The following ZNF765 variants were observed in gnomAD, a reference collection of about 807,000 sequenced individuals.
The protein encoded by ZNF765 is zinc finger protein 765.
A neutral mutation model predicts 44.7 loss-of-function variants in ZNF765; 37 were observed. The ratio of observed to expected loss-of-function variants is 0.83; its 90% confidence interval spans 0.64 to 1.09. ZNF765 has a LOEUF of 1.09. Among genes scored for constraint, ZNF765 ranks in the 50% least tolerant of loss-of-function variants. ZNF765 has a pLI of 0.00. For synonymous variants in ZNF765, 201 were observed against 213.7 expected (o/e 0.94, Z 0.52); for missense variants, 594 against 626.1 (o/e 0.95, Z 0.55).
chr19:53,422,610 T>C (rs1249062523), intron 3 of ZNF765, among the ~76,000 whole-genome samples: 1 of 152,172 alleles, frequency 6.6e-6, no homozygotes, highest in Admixed American at 6.5e-5. Flanking sequence ...GGTGTCACTT[T>C]ATCATCCAGG....
chr19:53,420,647 A>G (rs1168120149), intron 3 of ZNF765, among the ~76,000 whole-genome samples: 1 of 152,088 alleles, frequency 6.6e-6, no homozygotes, highest in Non-Finnish European at 1.5e-5. Flanking sequence ...AAATGCTGTT[A>G]ATCTGTAACC....
At chr19:53,425,682 T>C (rs2085935000) in exon 4 of ZNF765, 1 of 152,146 alleles carries the variant, frequency 6.6e-6, no homozygotes, top group African/African-American at 2.4e-5. Flanking sequence ...GCAAGAAGGG[T>C]CAGTAGACGC....
intron 3 of ZNF765, among the ~76,000 whole-genome samples, chr19:53,419,584 C>G (rs1020569507): frequency 6.6e-6 from 1 of 152,154 alleles, no homozygotes; most frequent in Non-Finnish European, 1.5e-5. Context: ...GTCTAATATC[C>G]GGCTCTGATC....
In ZNF765 at chr19:53,409,113, A is replaced by C; in HGVS notation, c.1558A>C (p.Lys520Gln). ...ACATAGGAGAATTTATACTGGAGAG[A>C]AACTACACGTGTAATGAGTGTGGTA... ...ERHRRIYTGE[K>Q]LHV The change falls in exon 4 of 4, where the codon AAA (lysine) becomes CAA (glutamine). Residue 520 changes from lysine (K) to glutamine (Q), a missense_variant. Transcript: ENST00000396408. 1 of 1,613,328 alleles carries C rather than the reference A, an allele frequency of 6.2e-7. No individual in the cohort carries two copies. The highest frequency in any genetic ancestry group is 8.5e-7 in the Non-Finnish European group (1 of 1,179,416).
exon 4 of ZNF765, chr19:53,423,146 G>A: frequency 1.4e-6 from 1 of 700,146 alleles, no homozygotes; most frequent in Non-Finnish European, 2.6e-6. Flanking sequence ...GCTCAGGTGG[G>A]CAGAGCTTAA....
At chr19:53,415,397 G>T (rs1600064948), downstream of ZNF765, among the ~76,000 whole-genome samples, 1 of 152,012 alleles carries the variant, frequency 6.6e-6, no homozygotes, top group Non-Finnish European at 1.5e-5. Flanking sequence ...ATATCTGAAT[G>T]GTGTGTATAT....
intron 3 of ZNF765, among the ~76,000 whole-genome samples, chr19:53,403,957 A>AT (rs1348655630): frequency 2.0e-5 from 3 of 152,272 alleles, no homozygotes; most frequent in African/African-American, 7.2e-5. Context: ...TCGCATTAAC[A>AT]TATATGTAGT....
intron 1 of ZNF765, among the ~76,000 whole-genome samples, chr19:53,395,899 G>A (rs1348948471): frequency 3.3e-5 from 5 of 151,918 alleles, no homozygotes; most frequent in African/African-American, 9.7e-5. Flanking sequence ...ACGTAGAGCA[G>A]TAGAAAACCT....
chr19:53,418,198 G>A (rs1445994250), intron 3 of ZNF765, among the ~76,000 whole-genome samples: 1 of 152,132 alleles, frequency 6.6e-6, no homozygotes, highest in Non-Finnish European at 1.5e-5. Context: ...TCAGGAGATC[G>A]AGACCATCCT....
chr19:53,397,737 C>T (rs2085684894), intron 1 of ZNF765, among the ~76,000 whole-genome samples: 1 of 151,826 alleles, frequency 6.6e-6, no homozygotes, highest in Admixed American at 6.6e-5. Flanking sequence ...CTCATCCCAC[C>T]CCAGCTCCCC....
intron 2 of ZNF765, among the ~76,000 whole-genome samples, chr19:53,399,003 A>T (rs2085696607): frequency 6.6e-6 from 1 of 152,064 alleles, no homozygotes; most frequent in African/African-American, 2.4e-5. Context: ...TGCCTGCCTC[A>T]GCCTCCTGGA....
intron 2 of ZNF765, among the ~76,000 whole-genome samples, chr19:53,399,679 CAA>C (rs34934002): frequency 5.2e-5 from 7 of 135,576 alleles, no homozygotes; most frequent in Non-Finnish European, 6.4e-5. Context: ...GACTCCATCT[CAA>C]AAAAAAAAAA....
In ZNF765 at chr19:53,409,105, C is replaced by G; in HGVS notation, c.1550C>G (p.Thr517Ser). 6.2e-7 allele frequency: 1 copy of G among 1,613,414 alleles called. No individual in the cohort carries two copies. Among genetic ancestry groups the G allele is most frequent in the Non-Finnish European group, 8.5e-7 (1 of 1,179,612 alleles). ...CTTGAAAGACATAGGAGAATTTATACTGGAGAGAAACTACACGTGTAATGA... is the reference window on the plus strand; with the variant it reads ...CTTGAAAGACATAGGAGAATTTATAGTGGAGAGAAACTACACGTGTAATGA... ...SNLERHRRIYTGEKLHV is the reference protein window; with the variant it reads ...SNLERHRRIYSGEKLHV The change falls in exon 4 of 4, where the codon ACT becomes AGT. Residue 517 changes from threonine (T) to serine (S), a missense_variant. Transcript: ENST00000396408.
rs1452155500 is a variant in ZNF765 at position 53,408,479 on chromosome 19, C to T, written c.924C>T (p.Phe308=). 5 of 1,612,904 alleles carry T rather than the reference C, an allele frequency of 3.1e-6. No individual in the cohort carries two copies. Among genetic ancestry groups the T allele is most frequent in the Non-Finnish European group, 2.5e-6 (3 of 1,179,686 alleles). Reference sequence around the variant, plus strand: ...AATGTGAAGAATGTGACAAAGCTTTCCATTTCAAATCAAAGCTTCAAATAC... The same window carrying T: ...AATGTGAAGAATGTGACAAAGCTTTTCATTTCAAATCAAAGCTTCAAATAC... The part of the protein sequence containing the change: ...PYKCEECDKA[F]HFKSKLQIHR... Residue 308 remains phenylalanine (F), a synonymous_variant, in exon 4 of 4, where the codon TTC becomes TTT. Transcript: ENST00000396408.
chr19:53,410,319 A>C lies in ZNF765; in HGVS notation c.*1192A>C. On this transcript the variant is annotated 3_prime_UTR_variant, in exon 4 of 4. Coordinates refer to ENST00000396408, the MANE Select transcript of ZNF765 (RefSeq NM_001040185.3). Reference sequence around the variant, plus strand: ...CAAGCCTCCAAAGACAGGAGAATTCATACTGGAGAGAAAGCTTACATATGT... The same window carrying C: ...CAAGCCTCCAAAGACAGGAGAATTCCTACTGGAGAGAAAGCTTACATATGT... 2 of 357,000 alleles carry C rather than the reference A, an allele frequency of 5.6e-6. No individual in the cohort carries two copies. The highest frequency in any genetic ancestry group is 1.5e-4 in the East Asian group (2 of 13,044). The allele number at this position is 357,000 out of a possible 1,614,324, so 22.1% of individuals were successfully genotyped here.
At chr19:53,396,246 A>AC (rs765946271) in intron 1 of ZNF765, among the ~76,000 whole-genome samples, 3,029 of 151,212 alleles carry the variant, frequency 0.02, 101 homozygotes, top group African/African-American at 0.065. Context: ...GAGAGTGGGG[A>AC]TGAGGGTATA....
In ZNF765 at chr19:53,408,271, G is replaced by A; in HGVS notation, c.716G>A (p.Gly239Glu). Residue 239 changes from glycine (G) to glutamate (E), a missense_variant, in exon 4 of 4, where the codon GGA becomes GAA. Transcript: ENST00000396408. ...AGGAAACATCAGTTAATCCATTTAG[G>A]AGAGAAACAATATAAATGCGATATA... Reference protein sequence around the residue: ...LLRKHQLIHLGEKQYKCDICG... With the variant: ...LLRKHQLIHLEEKQYKCDICG... 3 of 1,614,180 alleles carry A rather than the reference G, an allele frequency of 1.9e-6. No homozygotes were observed. The highest frequency in any genetic ancestry group is 2.5e-6 in the Non-Finnish European group (3 of 1,180,036).
exon 4 of ZNF765, chr19:53,426,296 C>T (rs2085939241): frequency 6.6e-6 from 1 of 152,220 alleles, no homozygotes; most frequent in African/African-American, 2.4e-5. Context: ...CACAAATGGC[C>T]TCAGACCTAG....
rs556638121 is a variant in ZNF765 at position 53,396,218 on chromosome 19, T to C, written c.-74+1025T>C. ...GGAGAAGCACAGCAGGGAGGACACC[T>C]GGGGATCTGGGGTGCTAGAGAGTGG... is the stretch of plus-strand genomic sequence containing the variant. On this transcript the variant is annotated intron_variant, in intron 1 of 3. Transcript: ENST00000396408. 7.3e-5 allele frequency among the ~76,000 whole-genome samples: 11 copies of C among 151,594 alleles called. No individual in the cohort carries two copies. The East Asian group carries it at 2.1e-3, about 30-fold the overall frequency.
Sources: allele counts gnomAD v4.1 joint callset (sites outside exome capture counted in the v4.1 genomes callset), GRCh38; gene constraint gnomAD v4.1.1; transcripts MANE v1.5; gene names NCBI Gene and HGNC (gene_info 2026-07-23, HGNC 2026-07-21).